Variants in C19orf47 observed in about 807,000 individuals in gnomAD.
The protein encoded by C19orf47 is uncharacterized protein C19orf47.
C19orf47 carries 18 observed loss-of-function variants against 32.3 expected under a neutral mutation model. The ratio of observed to expected loss-of-function variants is 0.56; its 90% CI spans 0.39 to 0.83. The LOEUF is 0.83. Ranked by LOEUF, C19orf47 falls within the 40% of genes least tolerant of loss-of-function variation. The probability of loss-of-function intolerance (pLI) is 0.00; values close to 1 mark genes in which losing one functional copy is unlikely to be tolerated. For synonymous variants in C19orf47, 202 were observed against 211.1 expected (o/e 0.96, Z 0.37); for missense variants, 484 against 531.6 (o/e 0.91, Z 0.88).
chr19:40,333,495 G>A (rs1050308024), intron 5 of C19orf47, among the ~76,000 whole-genome samples: 1 of 152,030 alleles, frequency 6.6e-6, no homozygotes, highest in Non-Finnish European at 1.5e-5. Context: ...GCCTTTAAAA[G>A]GAGACACACA....
intron 6 of C19orf47, 69 bp from the exon 7 acceptor site, chr19:40,326,555 A>AC: frequency 3.2e-6 from 5 of 1,546,144 alleles, no homozygotes; most frequent in Non-Finnish European, 4.4e-6. Flanking sequence ...GAAGCTGGAC[A>AC]CTAGGTGTCC....
intron 1 of C19orf47, among the ~76,000 whole-genome samples, chr19:40,346,022 G>A (rs2078269818): frequency 6.6e-6 from 1 of 151,612 alleles, no homozygotes; most frequent in Admixed American, 6.6e-5. Flanking sequence ...TGGGCATGGT[G>A]GCAGGCACCT....
At chr19:40,296,896 AGAG>A in the C19orf47 span, among the ~76,000 whole-genome samples, 1 of 152,220 alleles carries the variant, frequency 6.6e-6, no homozygotes, top group Non-Finnish European at 1.5e-5. Context: ...CCTGGGCAAC[AGAG>A]CAAGACCCTG....
At chr19:40,339,858 C>G (rs949855913) in intron 2 of C19orf47, among the ~76,000 whole-genome samples, 3 of 151,844 alleles carry the variant, frequency 2.0e-5, no homozygotes, top group African/African-American at 7.3e-5. Flanking sequence ...GTAATCCCAG[C>G]TACTCAATCT....
At chr19:40,301,313 T>TTTTTTTTATTTATTTATTTA in the C19orf47 span, among the ~76,000 whole-genome samples, 4 of 140,192 alleles carry the variant, frequency 2.9e-5, no homozygotes, top group African/African-American at 1.1e-4. Context: ...CTTGAGAGGC[T>TTTTTTTTATTTATTTATTTA]TTTATTTATT....
chr19:40,328,855 C>T (rs1422255369), intron 5 of C19orf47, among the ~76,000 whole-genome samples: 1 of 152,166 alleles, frequency 6.6e-6, no homozygotes, highest in Admixed American at 6.5e-5. Context: ...CTTCGCCCCT[C>T]CCGGAGCTGC....
At chr19:40,338,294 T>A (rs894629790) in intron 2 of C19orf47, among the ~76,000 whole-genome samples, 5 of 113,116 alleles carry the variant, frequency 4.4e-5, no homozygotes, top group Non-Finnish European at 7.9e-5. Context: ...CACACACAAA[T>A]ATATATATAT....
At position 40,321,827 on chromosome 19, in the gene C19orf47, G is replaced by A. The variant is rs1050053017; in HGVS notation, c.*55C>T. On this transcript the variant is annotated 3_prime_UTR_variant, in exon 9 of 9. Coordinates refer to ENST00000683109, the MANE Select transcript of C19orf47 (RefSeq NM_001256441.2). ...GGCGTGATGAAGCCAGGAGCCTGGGGCGGCCAGGGCAGATGCCCGCAGGCT... is the reference window on the plus strand; with the variant it reads ...GGCGTGATGAAGCCAGGAGCCTGGGACGGCCAGGGCAGATGCCCGCAGGCT... 14 of 1,465,924 alleles carry A rather than the reference G, an allele frequency of 9.6e-6. No homozygotes were observed. The highest frequency in any genetic ancestry group is 2.8e-5 in the African/African-American group (2 of 70,210). 90.8% of individuals were successfully genotyped at this position (1,465,924 alleles called of 1,614,324 possible).
At chr19:40,304,256 C>A in the C19orf47 span, among the ~76,000 whole-genome samples, 1 of 152,070 alleles carries the variant, frequency 6.6e-6, no homozygotes. Context: ...AAATGCCATC[C>A]CAAAATACAT....
chr19:40,327,257 G>A (rs189321063), intron 6 of C19orf47, among the ~76,000 whole-genome samples: 18 of 150,558 alleles, frequency 1.2e-4, no homozygotes, highest in Admixed American at 7.3e-4. Context: ...CAGGTGATCC[G>A]CCCACCTCGG....
chr19:40,300,761 C>A, the C19orf47 span, among the ~76,000 whole-genome samples: 1 of 152,132 alleles, frequency 6.6e-6, no homozygotes. Context: ...ATGACTCTGA[C>A]AAGTAGTCTG....
chr19:40,297,677 G>A, the C19orf47 span, among the ~76,000 whole-genome samples: 1 of 136,684 alleles, frequency 7.3e-6, no homozygotes, highest in Non-Finnish European at 1.5e-5. Flanking sequence ...TCCAGCCTGG[G>A]CAACAGAGCG....
the C19orf47 span, among the ~76,000 whole-genome samples, chr19:40,310,467 T>G: frequency 1.3e-5 from 2 of 152,324 alleles, no homozygotes; most frequent in South Asian, 2.1e-4. Flanking sequence ...TTAGTAGAGA[T>G]GGAGTTTCAC....
Position 40,322,283 on chromosome 19 carries a change from G to C in C19orf47, c.757C>G (p.Gln253Glu). The C allele has an allele frequency of 3.1e-6, 5 of 1,608,682 alleles. No homozygotes were observed. The highest frequency in any genetic ancestry group is 4.2e-6 in the Non-Finnish European group (5 of 1,179,702). The stretch of plus-strand genomic sequence containing the variant: ...AGCTTCTTCAGGACCCCGGCATACT[G>C]CAAGACAGAGCTGCTGCTGTCATTG... The part of the protein sequence containing the change: ...SDNDSSSSVL[Q>E]YAGVLKKLGR... The change falls in exon 9 of 9, where the codon CAG becomes GAG. Residue 253 changes from glutamine to glutamate, a missense_variant. Gln to Glu is a conservative substitution (Grantham distance 29). Coordinates refer to ENST00000683109, the MANE Select transcript of C19orf47 (RefSeq NM_001256441.2).
intron 8 of C19orf47, among the ~76,000 whole-genome samples, chr19:40,322,943 G>A (rs2077751677): frequency 6.6e-6 from 1 of 152,236 alleles, no homozygotes; most frequent in Non-Finnish European, 1.5e-5. Context: ...CTGGAGGGCA[G>A]AAGACAGGGG....
downstream of C19orf47, among the ~76,000 whole-genome samples, chr19:40,318,832 GAC>G (rs1031825603): frequency 3.3e-5 from 5 of 152,218 alleles, no homozygotes; most frequent in Admixed American, 6.5e-5. Context: ...GACACTGCAT[GAC>G]ACACAGTCAG....
chr19:40,296,937 G>A, the C19orf47 span, among the ~76,000 whole-genome samples: 1 of 151,852 alleles, frequency 6.6e-6, no homozygotes, highest in Non-Finnish European at 1.5e-5. Flanking sequence ...TAAAAGTGGT[G>A]CACTTGTAGA....
At chr19:40,324,979 A>G (rs1226196778) in intron 7 of C19orf47, among the ~76,000 whole-genome samples, 2 of 151,614 alleles carry the variant, frequency 1.3e-5, no homozygotes, top group Non-Finnish European at 2.9e-5. Context: ...AAAAGAAAAG[A>G]AAAGTTAGGT....
intron 5 of C19orf47, among the ~76,000 whole-genome samples, chr19:40,332,815 C>T (rs1174824973): frequency 1.3e-5 from 2 of 152,158 alleles, no homozygotes; most frequent in African/African-American, 4.8e-5. Flanking sequence ...TTTTGAGTTG[C>T]TCCAGACACG....
Sources: allele counts gnomAD v4.1 joint callset (sites outside exome capture counted in the v4.1 genomes callset), GRCh38; gene constraint gnomAD v4.1.1; transcripts MANE v1.5; gene names NCBI Gene and HGNC (gene_info 2026-07-23, HGNC 2026-07-21).